Variants in AGAP1 observed in about 807,000 individuals in gnomAD.
AGAP1 encodes the protein arf-GAP with GTPase, ANK repeat and PH domain-containing protein 1.
Under a neutral mutation model 105.3 loss-of-function variants are expected in AGAP1, and 29 were observed. The observed-to-expected ratio is 0.28, with a 90% CI of 0.21 to 0.38. The LOEUF is 0.38. Among genes scored for constraint, AGAP1 ranks in the 10% least tolerant of loss-of-function variants. The pLI, the probability that AGAP1 is intolerant of heterozygous loss-of-function variation, is 1.00. For missense variants in AGAP1, 998 were observed against 1,165.1 expected (o/e 0.86, Z 2.09); for synonymous variants, 509 against 485.9 (o/e 1.05, Z -0.63).
At chr2:235,606,344 C>T (rs1014863963) in intron 1 of AGAP1, among the ~76,000 whole-genome samples, 3 of 152,180 alleles carry the variant, frequency 2.0e-5, no homozygotes, top group Admixed American at 2.0e-4. Flanking sequence ...AAAGCAAAAC[C>T]TGTTTGCCAG....
intron 1 of AGAP1, among the ~76,000 whole-genome samples, chr2:235,682,280 G>T (rs1447474347): frequency 6.6e-6 from 1 of 152,052 alleles, no homozygotes; most frequent in African/African-American, 2.4e-5. Flanking sequence ...TTTTCACTCT[G>T]AACTAGCTTG....
At chr2:235,902,436 C>T (rs2051110601) in intron 10 of AGAP1, among the ~76,000 whole-genome samples, 1 of 152,128 alleles carries the variant, frequency 6.6e-6, no homozygotes, top group African/African-American at 2.4e-5. Flanking sequence ...CAGGCATATC[C>T]ACATGCATCC....
Position 235,633,028 on chromosome 2 carries a change from C to T in AGAP1, c.164-76151C>T, listed in dbSNP as rs1559302396. On this transcript the variant is annotated intron_variant, in intron 1 of 17. Coordinates refer to ENST00000304032, the MANE Select transcript of AGAP1 (RefSeq NM_001037131.3). The surrounding 1 kb of genome is among the most constrained non-coding windows in gnomAD (Gnocchi z 4.8). ...GCCCGTGGTGCAGCCTCTGAACCCCCGACTCTTGGTGGGCTTTTGAGTTCT... is the reference window on the plus strand; with the variant it reads ...GCCCGTGGTGCAGCCTCTGAACCCCTGACTCTTGGTGGGCTTTTGAGTTCT... Among the ~76,000 whole-genome samples the T allele has an allele frequency of 6.6e-6, 1 of 151,976 alleles. No individual in the cohort carries two copies. The highest frequency in any genetic ancestry group is 6.6e-5 in the Admixed American group (1 of 15,256).
chr2:235,500,975 G>A (rs932038612), intron 1 of AGAP1, among the ~76,000 whole-genome samples: 5 of 152,140 alleles, frequency 3.3e-5, no homozygotes, highest in African/African-American at 1.2e-4. Context: ...CCACCACCCA[G>A]CAACCTTAAC....
At chr2:235,833,238 G>A (rs1959666034) in intron 9 of AGAP1, among the ~76,000 whole-genome samples, 1 of 152,230 alleles carries the variant, frequency 6.6e-6, no homozygotes, top group Admixed American at 6.5e-5. Flanking sequence ...TGATGCCAGG[G>A]CCACGACAGA....
rs1948063714 is a variant in AGAP1, at chr2:235,664,453, G to A, written c.164-44726G>A. ...GGCTGGTCTCAAACTCCTGATCTCA[G>A]GTGATCCACCTGCCTTGGCCTCCCA... On this transcript the variant is annotated intron_variant, in intron 1 of 17. Transcript: ENST00000304032. This position sits in a 1 kb window ranked among gnomAD's most constrained non-coding sequence, Gnocchi z 5.7. Among the ~76,000 whole-genome samples the A allele has an allele frequency of 6.6e-6, 1 of 152,064 alleles. No individual in the cohort carries two copies. Among genetic ancestry groups the A allele is most frequent in the Non-Finnish European group, 1.5e-5 (1 of 68,020 alleles).
At chr2:235,779,073 G>A (rs1472421562) in intron 6 of AGAP1, among the ~76,000 whole-genome samples, 1 of 152,212 alleles carries the variant, frequency 6.6e-6, no homozygotes, top group East Asian at 1.9e-4. Context: ...GCCTCACTGA[G>A]CTGGGAACCC....
intron 1 of AGAP1, among the ~76,000 whole-genome samples, chr2:235,647,094 C>T (rs1156362232): frequency 2.7e-5 from 4 of 148,628 alleles, no homozygotes; most frequent in African/African-American, 7.6e-5. Context: ...CGAGATTGCG[C>T]CACTGCACCA....
chr2:235,590,712 T>TGTGC (rs369129304), intron 1 of AGAP1, among the ~76,000 whole-genome samples: 28,808 of 116,740 alleles, frequency 0.25, 4,667 homozygotes, highest in South Asian at 0.31. Flanking sequence ...TGTGTGTGTG[T>TGTGC]GCATTTTTTT....
At chr2:235,670,819 C>T (rs999816588) in intron 1 of AGAP1, 4 of 1,419,016 alleles carry the variant, frequency 2.8e-6, no homozygotes, top group African/African-American at 3.0e-5. Context: ...GCACGCTGGA[C>T]AACAGCGACC....
At chr2:236,111,804 A>C (rs1020906600) in intron 16 of AGAP1, among the ~76,000 whole-genome samples, 3 of 151,428 alleles carry the variant, frequency 2.0e-5, no homozygotes, top group Non-Finnish European at 2.9e-5. Context: ...AAAAAAAAAA[A>C]AAAGAAAGGG....
rs367623451 is a variant in AGAP1, at chr2:235,883,431, C to T, written c.1137C>T (p.Thr379=). Residue 379 remains threonine (T), a synonymous_variant, in exon 10 of 18, where the codon ACC becomes ACT. Transcript: ENST00000304032. The surrounding 1 kb of genome is among the most constrained non-coding windows in gnomAD (Gnocchi z 4.5). ...YVTLCDNGVL[T]YHPSLHDYMQ... ...CCCTGTGTGACAATGGCGTGCTGACCTATCATCCCAGTTTACATGTGAGTA... is the reference window on the plus strand; with the variant it reads ...CCCTGTGTGACAATGGCGTGCTGACTTATCATCCCAGTTTACATGTGAGTA... The T allele has an allele frequency of 4.3e-6, 7 of 1,613,906 alleles. No individual in the cohort carries two copies. Among genetic ancestry groups the T allele is most frequent in the Non-Finnish European group, 5.9e-6 (7 of 1,179,960 alleles).
chr2:236,057,462 C>G (rs1297337593), intron 16 of AGAP1, among the ~76,000 whole-genome samples: 1 of 152,164 alleles, frequency 6.6e-6, no homozygotes, highest in Non-Finnish European at 1.5e-5. Context: ...TAATTCTCTT[C>G]CATCAGTGCT....
rs1949363413 is a variant in AGAP1 at position 235,686,025 on chromosome 2, G to GC, written c.164-23153dup. Among the ~76,000 whole-genome samples, 9 of 152,320 alleles carry GC rather than the reference G, an allele frequency of 5.9e-5. No individual in the cohort carries two copies. In the South Asian group the frequency reaches 1.9e-3, roughly 32 times the overall value. On this transcript the variant is annotated intron_variant, in intron 1 of 17. Transcript: ENST00000304032. Reference sequence around the variant, plus strand: ...AGGCAATCAGATATGCACTTAGTGAGCAGGGCGATGACTTTGAATAGAGTG... The same window carrying GC: ...AGGCAATCAGATATGCACTTAGTGAGCCAGGGCGATGACTTTGAATAGAGTG...
chr2:235,896,094 C>T (rs894279943), intron 10 of AGAP1, among the ~76,000 whole-genome samples: 3 of 152,178 alleles, frequency 2.0e-5, no homozygotes, highest in Non-Finnish European at 4.4e-5. Context: ...TACGCATAAA[C>T]ACAAATTCCT....
At chr2:235,895,975 C>A (rs1312817004) in intron 10 of AGAP1, among the ~76,000 whole-genome samples, 1 of 152,176 alleles carries the variant, frequency 6.6e-6, no homozygotes, top group Non-Finnish European at 1.5e-5. Flanking sequence ...AAAATACATA[C>A]AACATTTGCC....
Position 236,003,677 on chromosome 2 carries a change from G to A in AGAP1, c.1646-32884G>A, listed in dbSNP as rs530726763. Among the ~76,000 whole-genome samples, 26 of 152,184 alleles carry A rather than the reference G, an allele frequency of 1.7e-4. No homozygotes were observed. Among genetic ancestry groups the A allele is most frequent in the Non-Finnish European group, 2.9e-4 (20 of 68,036 alleles). On this transcript the variant is annotated intron_variant, in intron 13 of 17. Transcript: ENST00000304032. The surrounding 1 kb of genome is among the most constrained non-coding windows in gnomAD (Gnocchi z 4.2). ...GCTGTGCACCTGGCAGTGCTGAGAG[G>A]AGAGCCTGGTGGGCACTTCCACCCT...
chr2:235,906,911 G>A lies in AGAP1; in HGVS notation c.1156-1827G>A, dbSNP rs116454507. ...CTTGCCTGTCATCCCAGCTACTCGG[G>A]AGACTGAGGCAGGAGAATCTCTTGA... On this transcript the variant is annotated intron_variant, in intron 10 of 17. Transcript: ENST00000304032. This position sits in a 1 kb window ranked among gnomAD's most constrained non-coding sequence, Gnocchi z 5.3. 0.031 allele frequency among the ~76,000 whole-genome samples: 4,796 copies of A among 152,292 alleles called. 97 individuals are homozygous for A. The highest frequency in any genetic ancestry group is 0.045 in the Non-Finnish European group (3,095 of 68,024).
rs2149736262 is a variant in AGAP1 at position 235,754,506 on chromosome 2, T to A, written c.673+4018T>A. Reference sequence around the variant, plus strand: ...GATTGGCTCTGTACCGAGGTTCATTTAAAAGGCCAGGGACCTCATTCTTTC... The same window carrying A: ...GATTGGCTCTGTACCGAGGTTCATTAAAAAGGCCAGGGACCTCATTCTTTC... On this transcript the variant is annotated intron_variant, in intron 6 of 17. Coordinates refer to ENST00000304032, the MANE Select transcript of AGAP1 (RefSeq NM_001037131.3). This position sits in a 1 kb window ranked among gnomAD's most constrained non-coding sequence, Gnocchi z 4.6. Among the ~76,000 whole-genome samples the A allele has an allele frequency of 6.6e-6, 1 of 152,274 alleles. No homozygotes were observed. Among genetic ancestry groups the A allele is most frequent in the Non-Finnish European group, 1.5e-5 (1 of 68,020 alleles).
Sources: allele counts gnomAD v4.1 joint callset (sites outside exome capture counted in the v4.1 genomes callset), GRCh38; gene constraint gnomAD v4.1.1; non-coding constraint Gnocchi (gnomAD v3.1); transcripts MANE v1.5; gene names NCBI Gene and HGNC (gene_info 2026-07-23, HGNC 2026-07-21).